The following CMIP variants were observed in gnomAD, a reference collection of about 807,000 sequenced individuals.
CMIP encodes C-Maf-inducing protein.
In CMIP, 13 loss-of-function variants were observed where a neutral mutation model predicts 97.3. That is an observed-to-expected ratio of 0.13 (90% CI 0.09 to 0.21). CMIP has a LOEUF of 0.21. Ranked by LOEUF, CMIP falls within the 10% of genes least tolerant of loss-of-function variation. The probability of loss-of-function intolerance (pLI) is 1.00; values close to 1 mark genes in which losing one functional copy is unlikely to be tolerated. For missense variants in CMIP, 847 were observed against 1,024.9 expected (o/e 0.83, Z 2.37); for synonymous variants, 538 against 436.3 (o/e 1.23, Z -2.91).
At chr16:81,446,281 G>A (rs930966481) in intron 1 of CMIP, among the ~76,000 whole-genome samples, 2 of 152,146 alleles carry the variant, frequency 1.3e-5, no homozygotes, top group East Asian at 1.9e-4. Flanking sequence ...GTTGCTGGAG[G>A]TTTAATTTTG....
At chr16:81,662,240 C>T (rs887134981) in intron 6 of CMIP, among the ~76,000 whole-genome samples, 2 of 152,180 alleles carry the variant, frequency 1.3e-5, no homozygotes, top group African/African-American at 4.8e-5. Flanking sequence ...TAGGATTTCA[C>T]CCAGATCTCA....
intron 3 of CMIP, among the ~76,000 whole-genome samples, chr16:81,635,356 A>G (rs2092220954): frequency 6.6e-6 from 1 of 152,130 alleles, no homozygotes; most frequent in Non-Finnish European, 1.5e-5. Context: ...GGACAGAGTC[A>G]GGGGGAAGGA....
At chr16:81,603,842 G>A (rs565346085) in intron 1 of CMIP, among the ~76,000 whole-genome samples, 4 of 152,170 alleles carry the variant, frequency 2.6e-5, no homozygotes, top group African/African-American at 4.8e-5. Context: ...AAAATAGTTC[G>A]TTTGATTGCG....
intron 1 of CMIP, among the ~76,000 whole-genome samples, chr16:81,461,527 A>C (rs936284459): frequency 6.6e-6 from 1 of 152,214 alleles, no homozygotes; most frequent in Non-Finnish European, 1.5e-5. Context: ...TTGGCATGCA[A>C]CGGGGACCCT....
Position 81,621,028 on chromosome 16 carries a change from C to T in CMIP, c.477+102C>T. Reference sequence around the variant, plus strand: ...AGGCATGAAAGTGGAGAACTCATGCCTTCCAGATGGCTCAGCTGAGGAACT... The same window carrying T: ...AGGCATGAAAGTGGAGAACTCATGCTTTCCAGATGGCTCAGCTGAGGAACT... On this transcript the variant is annotated intron_variant, in intron 3 of 20. Coordinates refer to ENST00000537098, the MANE Select transcript of CMIP (RefSeq NM_198390.3). The surrounding 1 kb of genome is among the most constrained non-coding windows in gnomAD (Gnocchi z 4.1). The T allele has an allele frequency of 6.9e-7, 1 of 1,449,032 alleles. No homozygotes were observed. Among genetic ancestry groups the T allele is most frequent in the Non-Finnish European group, 9.5e-7 (1 of 1,047,854 alleles). The allele number at this position is 1,449,032 out of a possible 1,614,324, so 89.8% of individuals were successfully genotyped here. A position where few individuals can be genotyped will look rare whatever the true frequency, so the allele number is the denominator to read the frequency against.
chr16:81,525,977 C>CGTGT lies in CMIP; in HGVS notation c.300+80463_300+80466dup, dbSNP rs57103908. On this transcript the variant is annotated intron_variant, in intron 1 of 20. Transcript: ENST00000537098. ...TTTGTTTAAAGGTTGACTAATAATA[C>CGTGT]GTGTGTGTGTGTGTGTGTGTGTGTG... 5.8e-4 allele frequency among the ~76,000 whole-genome samples: 87 copies of CGTGT among 150,064 alleles called. No individual in the cohort carries two copies. In the South Asian group the frequency reaches 7.0e-3, roughly 12 times the overall value.
chr16:81,645,874 C>G (rs2092358898), intron 3 of CMIP: 1 of 522,818 alleles, frequency 1.9e-6, no homozygotes, highest in African/African-American at 1.9e-5. Flanking sequence ...AAGCCTTTGA[C>G]AGTAGTTATT....
intron 3 of CMIP, among the ~76,000 whole-genome samples, chr16:81,633,164 T>C (rs967019359): frequency 9.2e-5 from 14 of 152,216 alleles, no homozygotes; most frequent in Admixed American, 3.3e-4. Flanking sequence ...AAAGACAAGT[T>C]TTTAAAACGT....
At chr16:81,584,381 G>A (rs913407931) in intron 1 of CMIP, among the ~76,000 whole-genome samples, 1 of 152,246 alleles carries the variant, frequency 6.6e-6, no homozygotes, top group African/African-American at 2.4e-5. Flanking sequence ...CTGTGAGTCT[G>A]AAGCGTAGGA....
At chr16:81,461,604 G>A (rs748042200) in intron 1 of CMIP, among the ~76,000 whole-genome samples, 4 of 152,216 alleles carry the variant, frequency 2.6e-5, no homozygotes, top group Non-Finnish European at 4.4e-5. Flanking sequence ...GCCCAGAGTC[G>A]TTAAATGACC....
At chr16:81,633,681 G>GA (rs539520333) in intron 3 of CMIP, among the ~76,000 whole-genome samples, 5 of 152,346 alleles carry the variant, frequency 3.3e-5, no homozygotes, top group Non-Finnish European at 7.3e-5. Flanking sequence ...CCCTTTCAGA[G>GA]AAACTGAGGC....
chr16:81,522,996 A>G (rs1329084524), intron 1 of CMIP, among the ~76,000 whole-genome samples: 1 of 151,912 alleles, frequency 6.6e-6, no homozygotes, highest in Non-Finnish European at 1.5e-5. Flanking sequence ...GTTTGATCAC[A>G]GCTCACCGCA....
intron 1 of CMIP, among the ~76,000 whole-genome samples, chr16:81,594,780 ATTTTTTTTTTT>A (rs570057427): frequency 2.6e-5 from 3 of 115,050 alleles, no homozygotes; most frequent in African/African-American, 1.0e-4. Context: ...CGCCCAGCTA[ATTTTTTTTTTT>A]TTTTTTTTTT....
intron 1 of CMIP, among the ~76,000 whole-genome samples, chr16:81,472,656 G>T (rs1439197043): frequency 6.6e-6 from 1 of 152,240 alleles, no homozygotes; most frequent in Non-Finnish European, 1.5e-5. Flanking sequence ...GAGGTGGCAG[G>T]TGCTAGGACA....
intron 1 of CMIP, among the ~76,000 whole-genome samples, chr16:81,473,718 G>GGGGACGCA (rs1335585170): frequency 3.9e-5 from 6 of 152,076 alleles, no homozygotes; most frequent in Non-Finnish European, 5.9e-5. Context: ...TGGGGGACGC[G>GGGGACGCA]GGGACGCAGG....
In CMIP at chr16:81,660,740, T is replaced by TC. The variant is rs1416499009; in HGVS notation, c.682-143dup. ...GGGGATTTTTTCTTTTCTTTTTTTT[T>TC]CTGCTTTTAATATGAATGATGTGAT... On this transcript the variant is annotated intron_variant, in intron 5 of 20. Transcript: ENST00000537098. 270 of 915,992 alleles carry TC rather than the reference T, an allele frequency of 2.9e-4. No homozygotes were observed. In the African/African-American group the frequency reaches 4.1e-3, roughly 14 times the overall value. The allele number at this position is 915,992 out of a possible 1,614,324, so 56.7% of individuals were successfully genotyped here.
rs1463309896 is a variant in CMIP, at chr16:81,621,704, T to A, written c.477+778T>A. On this transcript the variant is annotated intron_variant, in intron 3 of 20. Coordinates refer to ENST00000537098, the MANE Select transcript of CMIP (RefSeq NM_198390.3). The surrounding 1 kb of genome is among the most constrained non-coding windows in gnomAD (Gnocchi z 4.1). ...ATGACCAGTGTGTCATAAGCTGTCATCCTTACAGTAAGCTGGGGAGCCACA... is the reference window on the plus strand; with the variant it reads ...ATGACCAGTGTGTCATAAGCTGTCAACCTTACAGTAAGCTGGGGAGCCACA... 6.5e-6 allele frequency: 1 copy of A among 152,820 alleles called. No individual in the cohort carries two copies. Among genetic ancestry groups the A allele is most frequent in the South Asian group, 2.1e-4 (1 of 4,836 alleles). The allele number at this position is 152,820 out of a possible 1,614,324, so 9.5% of individuals were successfully genotyped here.
chr16:81,596,358 T>C (rs377332796), intron 1 of CMIP, among the ~76,000 whole-genome samples: 14 of 152,060 alleles, frequency 9.2e-5, no homozygotes, highest in Admixed American at 4.6e-4. Context: ...GTACAGAAAT[T>C]AGCTGTCTGT....
intron 1 of CMIP, among the ~76,000 whole-genome samples, chr16:81,499,371 C>T (rs891830015): frequency 3.9e-5 from 6 of 152,204 alleles, no homozygotes; most frequent in Non-Finnish European, 8.8e-5. Flanking sequence ...ACATGTGCCC[C>T]AAGCCTCGCC....
Sources: allele counts gnomAD v4.1 joint callset (sites outside exome capture counted in the v4.1 genomes callset), GRCh38; gene constraint gnomAD v4.1.1; non-coding constraint Gnocchi (gnomAD v3.1); transcripts MANE v1.5; gene names NCBI Gene and HGNC (gene_info 2026-07-23, HGNC 2026-07-21).